Variants in NRXN1 observed in about 807,000 individuals in gnomAD.
NRXN1 encodes neurexin-1.
Under a neutral mutation model 150.9 loss-of-function variants are expected in NRXN1, and 39 were observed. The observed-to-expected ratio is 0.26, with a 90% CI of 0.20 to 0.34. The LOEUF (loss-of-function observed/expected upper bound fraction) is 0.34. Ranked by LOEUF, NRXN1 falls within the 10% of genes least tolerant of loss-of-function variation. The pLI is 1.00. For missense variants in NRXN1, 1,815 were observed against 1,949.9 expected (o/e 0.93, Z 1.30); for synonymous variants, 924 against 757.0 (o/e 1.22, Z -3.62).
chr2:49,922,029 C>G lies in NRXN1; in HGVS notation c.4439G>C (p.Gly1480Ala). 1 of 1,614,052 alleles carries G rather than the reference C, an allele frequency of 6.2e-7. No individual in the cohort carries two copies. Among genetic ancestry groups the G allele is most frequent in the South Asian group, 1.1e-5 (1 of 91,076 alleles). The change falls in exon 23 of 23, where the codon GGG (glycine) becomes GCG (alanine). Residue 1480 changes from glycine to alanine, a missense_variant. This residue lies in a region of NRXN1 where 265 missense variants were observed against 307.1 expected (regional missense o/e 0.86). Transcript: ENST00000401669. ...NYISNSAQSN[G>A]AVVKEKQPSS... ...GGGTTGTTTCTCCTTTACAACAGCC[C>G]CATTGGACTGTGCTGAGTTACTGAT...
At chr2:50,978,208 G>A (rs1164990416) in intron 2 of NRXN1, among the ~76,000 whole-genome samples, 1 of 143,280 alleles carries the variant, frequency 7.0e-6, no homozygotes, top group African/African-American at 2.5e-5. Flanking sequence ...AGAGGAAAAT[G>A]CCATTAAAAC....
chr2:50,092,099 G>A lies in NRXN1; in HGVS notation c.3547-605C>T, dbSNP rs529196250. 3.3e-5 allele frequency among the ~76,000 whole-genome samples: 5 copies of A among 152,286 alleles called. No homozygotes were observed. The East Asian group carries it at 5.8e-4, about 18-fold the overall frequency. ...GATAACACAGGAAGGTACAAGACTTGTTCAAGGACACATAATAGAGACGTA... is the reference window on the plus strand; with the variant it reads ...GATAACACAGGAAGGTACAAGACTTATTCAAGGACACATAATAGAGACGTA... On this transcript the variant is annotated intron_variant, in intron 18 of 22. Coordinates refer to ENST00000401669, the MANE Select transcript of NRXN1 (RefSeq NM_001330078.2).
chr2:50,420,491 T>A (rs1354237348), intron 17 of NRXN1, among the ~76,000 whole-genome samples: 1 of 151,922 alleles, frequency 6.6e-6, no homozygotes, highest in African/African-American at 2.4e-5. Flanking sequence ...AAAGTTATCA[T>A]TGATTTTTGC....
intron 17 of NRXN1, among the ~76,000 whole-genome samples, chr2:50,363,514 G>C (rs1175420451): frequency 6.6e-6 from 1 of 152,190 alleles, no homozygotes; most frequent in African/African-American, 2.4e-5. Context: ...CTGGTCATTA[G>C]AGAAAGGCAA....
chr2:50,668,502 T>C (rs563265586), intron 5 of NRXN1, among the ~76,000 whole-genome samples: 1 of 152,038 alleles, frequency 6.6e-6, no homozygotes, highest in Non-Finnish European at 1.5e-5. Flanking sequence ...ATTATGGGAT[T>C]TAAGAAGAAA....
chr2:50,131,422 A>C (rs1316508884), intron 18 of NRXN1, among the ~76,000 whole-genome samples: 1 of 152,194 alleles, frequency 6.6e-6, no homozygotes, highest in East Asian at 1.9e-4. Context: ...TCAGTCTTGT[A>C]AACCCTAACA....
intron 5 of NRXN1, chr2:50,757,871 T>C (rs1701343892): frequency 6.6e-6 from 1 of 151,692 alleles, no homozygotes; most frequent in Admixed American, 6.6e-5. Context: ...CCATCAAATG[T>C]TACCTCCTCT....
chr2:50,577,926 G>A (rs542085916), intron 8 of NRXN1, among the ~76,000 whole-genome samples: 2 of 152,226 alleles, frequency 1.3e-5, no homozygotes, highest in Admixed American at 6.5e-5. Context: ...TGGAGCACTT[G>A]TGCATAGATA....
At chr2:50,473,216 T>C (rs1376321109) in intron 15 of NRXN1, among the ~76,000 whole-genome samples, 1 of 152,002 alleles carries the variant, frequency 6.6e-6, no homozygotes, top group Admixed American at 6.6e-5. Context: ...TACTTTCAAT[T>C]TTTAGGCTGC....
intron 8 of NRXN1, among the ~76,000 whole-genome samples, chr2:50,593,886 C>T (rs1301924224): frequency 6.6e-6 from 1 of 151,932 alleles, no homozygotes; most frequent in African/African-American, 2.4e-5. Flanking sequence ...GAGGATGATA[C>T]CCTTGATACC....
intron 17 of NRXN1, among the ~76,000 whole-genome samples, chr2:50,395,954 G>C (rs546656438): frequency 6.6e-6 from 1 of 152,162 alleles, no homozygotes; most frequent in South Asian, 2.1e-4. Flanking sequence ...CTGCTCTGTC[G>C]TTAGGGACTA....
intron 9 of NRXN1, among the ~76,000 whole-genome samples, chr2:50,543,704 A>G (rs1434015216): frequency 6.6e-6 from 1 of 152,136 alleles, no homozygotes; most frequent in Non-Finnish European, 1.5e-5. Context: ...GTTTTTCATT[A>G]CCTATTAGTT....
rs373952532 is a variant in NRXN1, at chr2:50,472,349, G to T, written c.3193C>A (p.Leu1065Ile). ...TTGCAGAAAAGAGCATCGGAGATGA[G>T]GTCCGGAAGCCGTCCATTTAAATCA... is the stretch of plus-strand genomic sequence containing the variant. Reference protein sequence around the residue: ...SVDLNGRLPDLISDALFCNGQ... With the variant: ...SVDLNGRLPDIISDALFCNGQ... Residue 1065 changes from leucine (L) to isoleucine (I), a missense_variant, in exon 16 of 23, where the codon CTC (leucine) becomes ATC (isoleucine). Leu to Ile is a conservative substitution (Grantham distance 5, BLOSUM62 2). Coordinates refer to ENST00000401669, the MANE Select transcript of NRXN1 (RefSeq NM_001330078.2). 1 of 1,611,698 alleles carries T rather than the reference G, an allele frequency of 6.2e-7. No individual in the cohort carries two copies. The highest frequency in any genetic ancestry group is 1.3e-5 in the African/African-American group (1 of 74,854).
chr2:50,431,710 A>T (rs188283232), intron 17 of NRXN1, among the ~76,000 whole-genome samples: 34 of 152,348 alleles, frequency 2.2e-4, no homozygotes, highest in African/African-American at 8.2e-4. Context: ...GGCTGCTTTC[A>T]CACTACAATC....
At chr2:50,034,972 C>T (rs1227030736) in intron 21 of NRXN1, among the ~76,000 whole-genome samples, 2 of 151,984 alleles carry the variant, frequency 1.3e-5, no homozygotes, top group African/African-American at 4.8e-5. Flanking sequence ...AATATAACAG[C>T]TTGGTTCTAT....
intron 18 of NRXN1, among the ~76,000 whole-genome samples, chr2:50,109,793 T>C (rs970059808): frequency 6.6e-6 from 1 of 152,120 alleles, no homozygotes; most frequent in Non-Finnish European, 1.5e-5. Flanking sequence ...TATAAATGTA[T>C]CCAGAGAGCA....
intron 5 of NRXN1, among the ~76,000 whole-genome samples, chr2:50,790,927 T>C (rs558827116): frequency 6.6e-6 from 1 of 152,204 alleles, no homozygotes; most frequent in East Asian, 1.9e-4. Flanking sequence ...GGTGCTCAAA[T>C]CTTTGGATTT....
intron 21 of NRXN1, among the ~76,000 whole-genome samples, chr2:49,997,019 G>C (rs1302608572): frequency 5.3e-5 from 8 of 152,074 alleles, no homozygotes; most frequent in Admixed American, 3.3e-4. Context: ...TTGCCTGTCT[G>C]CTTCGTTTGA....
At chr2:50,568,009 C>T (rs908958253) in intron 8 of NRXN1, among the ~76,000 whole-genome samples, 1 of 152,024 alleles carries the variant, frequency 6.6e-6, no homozygotes, top group Admixed American at 6.6e-5. Flanking sequence ...CCCCATTTTT[C>T]AGAAGAAACT....
Sources: gnomAD v4.1 joint callset for allele counts (sites outside exome capture counted in the v4.1 genomes callset) on GRCh38, gnomAD v4.1.1 for gene constraint, gnomAD v4.1.1 regional missense constraint, MANE v1.5 for transcripts, NCBI Gene and HGNC (gene_info 2026-07-23, HGNC 2026-07-21) for gene names.